The following RFXANK variants were observed in gnomAD, a reference collection of about 807,000 sequenced individuals.
The protein encoded by RFXANK is DNA-binding protein RFXANK.
Under a neutral mutation model 34.5 loss-of-function variants are expected in RFXANK, and 19 were observed. The ratio of observed to expected loss-of-function variants is 0.55; its 90% CI spans 0.38 to 0.81. The LOEUF (loss-of-function observed/expected upper bound fraction) is 0.81, where lower values mean the gene tolerates loss of function less well. Ranked by LOEUF, RFXANK falls within the 30% of genes least tolerant of loss-of-function variation. The pLI, the probability that RFXANK is intolerant of heterozygous loss-of-function variation, is 0.00. For missense variants in RFXANK, 295 were observed against 343.5 expected, an observed-to-expected ratio of 0.86 and a Z score of 1.12; for synonymous variants, 154 against 149.8, an observed-to-expected ratio of 1.03 and a Z score of -0.20.
At chr19:19,193,509 C>G (rs538742145) in intron 2 of RFXANK, among the ~76,000 whole-genome samples, 65 of 151,070 alleles carry the variant, frequency 4.3e-4, no homozygotes, top group African/African-American at 1.4e-3. Context: ...ACCTCCACCT[C>G]CCGAGTTCAA....
At chr19:19,196,870 A>T in intron 3 of RFXANK, 93 bp from the exon 4 acceptor site, 2 of 1,196,222 alleles carry the variant, frequency 1.7e-6, no homozygotes, top group Non-Finnish European at 2.5e-6. Context: ...ATCTCAAACA[A>T]CAACAGCAAC....
At chr19:19,198,023 A>AG (rs2060631943) in intron 6 of RFXANK, 84 bp from the exon 7 acceptor site, 1 of 1,563,272 alleles carries the variant, frequency 6.4e-7, no homozygotes, top group East Asian at 2.2e-5. Context: ...AAAAAAAAAA[A>AG]AAAAGATGCG....
chr19:19,199,683 G>A (rs1157743272), intron 9 of RFXANK, among the ~76,000 whole-genome samples: 2 of 152,136 alleles, frequency 1.3e-5, no homozygotes, highest in Admixed American at 6.5e-5. Context: ...TGGCCCCTGC[G>A]GAGGCCTGGC....
Position 19,198,031 on chromosome 19 carries a change from G to A in RFXANK, c.439-76G>A. ...TATCTCCAAAAAAAAAAAAAAAGAT[G>A]CGGCTGCTGTGGGTACCCCAGGATT... On this transcript the variant is annotated intron_variant, in intron 6 of 9. Coordinates refer to ENST00000303088, the MANE Select transcript of RFXANK (RefSeq NM_003721.4). 2.0e-6 allele frequency: 3 copies of A among 1,512,790 alleles called. No homozygotes were observed. The South Asian group carries it at 3.6e-5, about 18-fold the overall frequency. 93.7% of individuals were successfully genotyped at this position (1,512,790 alleles called of 1,614,324 possible).
chr19:19,193,567 C>T (rs2146457834), intron 2 of RFXANK, among the ~76,000 whole-genome samples: 1 of 152,162 alleles, frequency 6.6e-6, no homozygotes, highest in South Asian at 2.1e-4. Flanking sequence ...AGGCGCCCGC[C>T]ACCGCGCTTG....
At chr19:19,193,541 G>A (rs960724308) in intron 2 of RFXANK, among the ~76,000 whole-genome samples, 4 of 147,696 alleles carry the variant, frequency 2.7e-5, no homozygotes, top group Admixed American at 1.4e-4. Context: ...TCAGCCTCCC[G>A]AGTAGCTGGG....
chr19:19,192,637 A>T (rs2060504026), intron 1 of RFXANK, 83 bp downstream of exon 1: 1 of 155,178 alleles, frequency 6.4e-6, no homozygotes, highest in African/African-American at 2.4e-5. Flanking sequence ...ATCTACCCGA[A>T]GCCGGAGCCA....
In RFXANK at chr19:19,201,840, A is replaced by G; in HGVS notation, c.*121A>G. On this transcript the variant is annotated 3_prime_UTR_variant, in exon 10 of 10. Transcript: ENST00000303088. Reference sequence around the variant, plus strand: ...GTGGTGGGAGGGGACCCTTCCCAAGAGGAACCAATAAACCTTCTGTGCAGA... The same window carrying G: ...GTGGTGGGAGGGGACCCTTCCCAAGGGGAACCAATAAACCTTCTGTGCAGA... The G allele has an allele frequency of 6.2e-7, 1 of 1,611,666 alleles. No homozygotes were observed. The highest frequency in any genetic ancestry group is 8.5e-7 in the Non-Finnish European group (1 of 1,178,756).
Position 19,201,798 on chromosome 19 carries a change from A to T in RFXANK, c.*79A>T. 1 of 1,613,142 alleles carries T rather than the reference A, an allele frequency of 6.2e-7. No individual in the cohort carries two copies. The highest frequency in any genetic ancestry group is 8.5e-7 in the Non-Finnish European group (1 of 1,179,658). ...TGGGGAAACCCAGAACTGACTTCAA[A>T]GGCAGCTTCTGGACAGGTGGTGGGA... is the stretch of plus-strand genomic sequence containing the variant. On this transcript the variant is annotated 3_prime_UTR_variant, in exon 10 of 10. Coordinates refer to ENST00000303088, the MANE Select transcript of RFXANK (RefSeq NM_003721.4).
rs3761078 is a variant in RFXANK at position 19,198,334 on chromosome 19, C to T, written c.564+102C>T. ...AAAGGTGCAGGCCTGCTCTAGGTGC[C>T]GAGAACACGAGACAGCCCCATTCCC... is the stretch of plus-strand genomic sequence containing the variant. On this transcript the variant is annotated intron_variant, in intron 7 of 9. Coordinates refer to ENST00000303088, the MANE Select transcript of RFXANK (RefSeq NM_003721.4). The T allele has an allele frequency of 2.8e-3, 4,230 of 1,518,980 alleles. 209 individuals are homozygous for T. In the East Asian group the frequency reaches 0.089, roughly 32 times the overall value. The allele number at this position is 1,518,980 out of a possible 1,614,324, so 94.1% of individuals were successfully genotyped here. A position where few individuals can be genotyped will look rare whatever the true frequency, so the allele number is the denominator to read the frequency against.
chr19:19,199,183 G>A lies in RFXANK; in HGVS notation c.661G>A (p.Asp221Asn), dbSNP rs1479307125. Residue 221 changes from aspartate to asparagine, a missense_variant, in exon 9 of 10, where the codon GAC becomes AAC. Coordinates refer to ENST00000303088, the MANE Select transcript of RFXANK (RefSeq NM_003721.4). ...ARGADLTTEA[D>N]SGYTPMDLAV... Reference sequence around the variant, plus strand: ...AGGCGCTGACCTCACCACCGAAGCCGACTCTGGCTACACCCCGATGGACCT... The same window carrying A: ...AGGCGCTGACCTCACCACCGAAGCCAACTCTGGCTACACCCCGATGGACCT... 8.7e-6 allele frequency: 14 copies of A among 1,613,940 alleles called. No homozygotes were observed. The highest frequency in any genetic ancestry group is 4.0e-5 in the African/African-American group (3 of 74,918).
chr19:19,200,130 G>A (rs1333127469), intron 9 of RFXANK, among the ~76,000 whole-genome samples: 2 of 151,008 alleles, frequency 1.3e-5, no homozygotes, highest in Admixed American at 6.6e-5. Flanking sequence ...GAGTAGCTGG[G>A]ACCACAGGCA....
At chr19:19,197,979 T>A in intron 6 of RFXANK, 128 bp from the exon 7 acceptor site, 1 of 1,333,918 alleles carries the variant, frequency 7.5e-7, no homozygotes, top group South Asian at 1.2e-5. Flanking sequence ...GCCACTGCAC[T>A]CCAGCCTGGG....
rs7255275 is a variant in RFXANK, at chr19:19,199,120, C to T, written c.632-34C>T. The T allele has an allele frequency of 5.2e-3, 8,340 of 1,604,272 alleles. 368 individuals are homozygous for T. In the African/African-American group the frequency reaches 0.097, roughly 19 times the overall value. ...CAGACCCCATTCTGGACTCCCAGGC[C>T]CCACCCTCCAGCGCCCTCCCCTCTC... On this transcript the variant is annotated intron_variant, in intron 8 of 9. Transcript: ENST00000303088.
chr19:19,200,016 A>G (rs1334176631), intron 9 of RFXANK, among the ~76,000 whole-genome samples: 3 of 152,024 alleles, frequency 2.0e-5, no homozygotes, highest in Non-Finnish European at 4.4e-5. Context: ...TGTTCGAGGC[A>G]GAAAGTCTTG....
At chr19:19,194,895 G>A (rs959774171) in intron 3 of RFXANK, among the ~76,000 whole-genome samples, 90 of 152,146 alleles carry the variant, frequency 5.9e-4, no homozygotes, top group Non-Finnish European at 7.4e-5. Context: ...AGGAACTGAG[G>A]ATTTATTTTT....
chr19:19,198,593 A>C, intron 7 of RFXANK, 64 bp from the exon 8 acceptor site: 1 of 1,573,808 alleles, frequency 6.4e-7, no homozygotes, highest in Non-Finnish European at 8.7e-7. Flanking sequence ...GCCAGAGAGT[A>C]CAAGGCATTT....
chr19:19,199,309 AC>A (rs34814971), intron 9 of RFXANK, 75 bp downstream of exon 9: 1 of 1,373,586 alleles, frequency 7.3e-7, no homozygotes, highest in Non-Finnish European at 1.0e-6. Flanking sequence ...TACATGGGAC[AC>A]CCCTTCAGTG....
intron 3 of RFXANK, 108 bp from the exon 4 acceptor site, chr19:19,196,855 A>G (rs182236023): frequency 2.0e-6 from 2 of 990,712 alleles, no homozygotes; most frequent in Admixed American, 1.7e-5. Context: ...ACAGACGGAG[A>G]CTCCATCTCA....
Sources: allele counts gnomAD v4.1 joint callset (sites outside exome capture counted in the v4.1 genomes callset), GRCh38; gene constraint gnomAD v4.1.1; transcripts MANE v1.5; gene names NCBI Gene and HGNC (gene_info 2026-07-23, HGNC 2026-07-21).